The following SDK1 variants were observed in gnomAD, a reference collection of about 807,000 sequenced individuals.
The protein encoded by SDK1 is protein sidekick-1.
A neutral mutation model predicts 245.5 loss-of-function variants in SDK1; 157 were observed. That is an observed-to-expected ratio of 0.64 (90% CI 0.56 to 0.73). The LOEUF (loss-of-function observed/expected upper bound fraction) is 0.73. Among genes scored for constraint, SDK1 ranks in the 30% least tolerant of loss-of-function variants. The pLI is 0.00. For synonymous variants in SDK1, 1,647 were observed against 1,278.5 expected (o/e 1.29, Z -6.15); for missense variants, 3,583 against 3,002.3 (o/e 1.19, Z -4.52).
At chr7:3,652,256 A>G (rs981065614) in intron 4 of SDK1, among the ~76,000 whole-genome samples, 2 of 152,176 alleles carry the variant, frequency 1.3e-5, no homozygotes, top group Non-Finnish European at 2.9e-5. Flanking sequence ...GGGGGATCCC[A>G]GCTATTATTT....
intron 5 of SDK1, among the ~76,000 whole-genome samples, chr7:3,921,411 G>A (rs73294688): frequency 0.018 from 2,787 of 152,134 alleles, 86 homozygotes; most frequent in African/African-American, 0.062. Context: ...CACATTAGAC[G>A]GAATGGCAAA....
At position 3,874,093 on chromosome 7, in the gene SDK1, G is replaced by A. The variant is rs191403543; in HGVS notation, c.847+52510G>A. ...CAATATTTTGTGTGGTTGGAGATGA[G>A]CATGCTTTTCTTTCCACTGGGCCAT... On this transcript the variant is annotated intron_variant, in intron 5 of 44. Coordinates refer to ENST00000404826, the MANE Select transcript of SDK1 (RefSeq NM_152744.4). Among the ~76,000 whole-genome samples, 4 of 152,268 alleles carry A rather than the reference G, an allele frequency of 2.6e-5. No individual in the cohort carries two copies. The East Asian group carries it at 7.7e-4, about 29-fold the overall frequency.
chr7:4,221,109 G>A (rs1785129039), intron 39 of SDK1, 130 bp from the exon 40 acceptor site: 11 of 1,097,442 alleles, frequency 1.0e-5, no homozygotes, highest in Non-Finnish European at 1.4e-5. Flanking sequence ...CTGGGTGCGT[G>A]AGGTTAAGTA....
intron 1 of SDK1, among the ~76,000 whole-genome samples, chr7:3,389,620 A>G (rs1207888024): frequency 6.6e-6 from 1 of 152,082 alleles, no homozygotes; most frequent in African/African-American, 2.4e-5. Flanking sequence ...CTAATACAGG[A>G]TAGGTGTGGT....
At chr7:3,584,176 G>A (rs1049949060) in intron 1 of SDK1, among the ~76,000 whole-genome samples, 1 of 152,164 alleles carries the variant, frequency 6.6e-6, no homozygotes, top group East Asian at 1.9e-4. Context: ...GAATAAACAG[G>A]TGCTTGCTGT....
intron 1 of SDK1, among the ~76,000 whole-genome samples, chr7:3,396,444 T>A (rs1781898505): frequency 6.6e-6 from 1 of 151,790 alleles, no homozygotes; most frequent in Admixed American, 6.6e-5. Context: ...TTTTTGTTGA[T>A]CTTCTGTCTA....
intron 44 of SDK1, among the ~76,000 whole-genome samples, chr7:4,258,234 C>T (rs538953815): frequency 1.3e-5 from 2 of 152,292 alleles, no homozygotes; most frequent in Admixed American, 1.3e-4. Context: ...TCTGGACATG[C>T]TCTTGGAAAT....
intron 1 of SDK1, among the ~76,000 whole-genome samples, chr7:3,550,287 G>A (rs994665010): frequency 2.0e-5 from 3 of 152,158 alleles, no homozygotes; most frequent in African/African-American, 7.2e-5. Flanking sequence ...TTCAGTGCCT[G>A]AAATCATTCT....
At chr7:3,799,459 C>T (rs929149250) in intron 4 of SDK1, among the ~76,000 whole-genome samples, 3 of 151,816 alleles carry the variant, frequency 2.0e-5, no homozygotes, top group Non-Finnish European at 2.9e-5. Flanking sequence ...AATCCCAGCA[C>T]TTTGGGAGGC....
At chr7:3,567,483 C>T (rs1019473650) in intron 1 of SDK1, among the ~76,000 whole-genome samples, 12 of 152,180 alleles carry the variant, frequency 7.9e-5, no homozygotes, top group African/African-American at 2.9e-4. Flanking sequence ...GACGTTTAGA[C>T]TAAGTGGTCA....
At chr7:4,019,521 T>G (rs1786698049) in intron 17 of SDK1, among the ~76,000 whole-genome samples, 1 of 152,068 alleles carries the variant, frequency 6.6e-6, no homozygotes, top group African/African-American at 2.4e-5. Flanking sequence ...ATTACTAAAT[T>G]ATGCATTGCT....
At chr7:3,535,012 T>C (rs758160646) in intron 1 of SDK1, among the ~76,000 whole-genome samples, 2 of 152,096 alleles carry the variant, frequency 1.3e-5, no homozygotes, top group African/African-American at 4.8e-5. Context: ...AGTGGCTCAC[T>C]CCTGTAATCC....
intron 38 of SDK1, among the ~76,000 whole-genome samples, chr7:4,215,539 C>T (rs533188452): frequency 2.6e-5 from 4 of 152,344 alleles, no homozygotes; most frequent in Non-Finnish European, 5.9e-5. Context: ...ACGCACGGCC[C>T]AGCATGGGAG....
In SDK1 at chr7:3,962,815, G is replaced by T. The variant is rs771065307; in HGVS notation, c.1393G>T (p.Gly465Trp). The T allele has an allele frequency of 1.2e-6, 2 of 1,613,490 alleles. No homozygotes were observed. Among genetic ancestry groups the T allele is most frequent in the Non-Finnish European group, 1.7e-6 (2 of 1,179,808 alleles). Reference sequence around the variant, plus strand: ...CCAGTGCTTCGCCAGCAATGAAGGAGGGGAGATCCAGACCCACACCTACCT... The same window carrying T: ...CCAGTGCTTCGCCAGCAATGAAGGATGGGAGATCCAGACCCACACCTACCT... ...IFQCFASNEG[G>W]EIQTHTYLDV... Residue 465 changes from glycine (G) to tryptophan (W), a missense_variant, in exon 9 of 45, where the codon GGG becomes TGG. Coordinates refer to ENST00000404826, the MANE Select transcript of SDK1 (RefSeq NM_152744.4).
At chr7:3,970,760 C>T (rs944144117) in intron 11 of SDK1, among the ~76,000 whole-genome samples, 1 of 152,324 alleles carries the variant, frequency 6.6e-6, no homozygotes, top group Middle Eastern at 3.4e-3. Flanking sequence ...CATTCCCTGC[C>T]ATAGCCAGGA....
chr7:4,174,904 T>A (rs1782097001), intron 33 of SDK1, among the ~76,000 whole-genome samples: 2 of 152,240 alleles, frequency 1.3e-5, no homozygotes, highest in South Asian at 4.1e-4. Context: ...CCCTCCTCTG[T>A]TGGATGGAGG....
Position 3,772,698 on chromosome 7 carries a change from A to G in SDK1, c.714-48752A>G, listed in dbSNP as rs149108554. Reference sequence around the variant, plus strand: ...TTTCTTCATACAGCTCCAAGTTACTATCCAGTATCTTTTCATTTCATTCAG... The same window carrying G: ...TTTCTTCATACAGCTCCAAGTTACTGTCCAGTATCTTTTCATTTCATTCAG... On this transcript the variant is annotated intron_variant, in intron 4 of 44. Transcript: ENST00000404826. Among the ~76,000 whole-genome samples, 138 of 152,304 alleles carry G rather than the reference A, an allele frequency of 9.1e-4. 1 individual carries two copies. Among genetic ancestry groups the G allele is most frequent in the Non-Finnish European group, 1.6e-3 (111 of 68,026 alleles).
chr7:3,334,575 G>A (rs75788702), intron 1 of SDK1, among the ~76,000 whole-genome samples: 3,510 of 152,162 alleles, frequency 0.023, 143 homozygotes, highest in African/African-American at 0.079. Flanking sequence ...ACAGGAGCAC[G>A]TTCCAGAGGC....
chr7:4,197,240 G>T (rs1016190324), intron 35 of SDK1, among the ~76,000 whole-genome samples: 1 of 151,788 alleles, frequency 6.6e-6, no homozygotes, highest in Non-Finnish European at 1.5e-5. Context: ...GAGGTGGGAG[G>T]ATTGCTTGGG....
Sources: allele counts gnomAD v4.1 joint callset (sites outside exome capture counted in the v4.1 genomes callset), GRCh38; gene constraint gnomAD v4.1.1; transcripts MANE v1.5; gene names NCBI Gene and HGNC (gene_info 2026-07-23, HGNC 2026-07-21).